The following SCAPER variants were observed in gnomAD, a reference collection of about 807,000 sequenced individuals.
SCAPER encodes S-phase cyclin A associated protein in the ER.
SCAPER carries 98 observed loss-of-function variants against 182.2 expected under a neutral mutation model. The ratio of observed to expected loss-of-function variants is 0.54; its 90% CI spans 0.46 to 0.64. The LOEUF (loss-of-function observed/expected upper bound fraction) is 0.64, where lower values mean the gene tolerates loss of function less well. Among genes scored for constraint, SCAPER ranks in the 30% least tolerant of loss-of-function variants. The pLI is 0.00. For missense variants in SCAPER, 1,432 were observed against 1,690.0 expected, an observed-to-expected ratio of 0.85 and a Z score of 2.68; for synonymous variants, 605 against 564.6, an observed-to-expected ratio of 1.07 and a Z score of -1.01.
chr15:76,552,635 G>C (rs2045874395), intron 23 of SCAPER, among the ~76,000 whole-genome samples: 5 of 152,126 alleles, frequency 3.3e-5, no homozygotes, highest in Admixed American at 3.3e-4. Context: ...GAGTTGGCAG[G>C]GACAGCTGCA....
At chr15:76,871,032 T>C (rs974506126) in intron 2 of SCAPER, among the ~76,000 whole-genome samples, 4 of 152,006 alleles carry the variant, frequency 2.6e-5, no homozygotes, top group African/African-American at 4.8e-5. Flanking sequence ...CTATAAGAAA[T>C]AATAAATGCA....
chr15:76,482,306 T>C (rs1299511391), intron 24 of SCAPER, among the ~76,000 whole-genome samples: 1 of 152,204 alleles, frequency 6.6e-6, no homozygotes, highest in African/African-American at 2.4e-5. Flanking sequence ...GTTACCAACA[T>C]AATGGGTTCC....
At chr15:76,513,516 A>G (rs1471345337) in intron 23 of SCAPER, among the ~76,000 whole-genome samples, 2 of 152,212 alleles carry the variant, frequency 1.3e-5, no homozygotes, top group Non-Finnish European at 1.5e-5. Flanking sequence ...TAAATACCTT[A>G]TATGCAAATC....
At chr15:76,396,935 C>T (rs1458695223) in intron 27 of SCAPER, among the ~76,000 whole-genome samples, 1 of 150,976 alleles carries the variant, frequency 6.6e-6, no homozygotes, top group East Asian at 1.9e-4. Context: ...CAGTATGATA[C>T]TAGCTGTGGG....
chr15:76,784,570 A>G (rs2064430643), intron 8 of SCAPER, among the ~76,000 whole-genome samples: 1 of 152,230 alleles, frequency 6.6e-6, no homozygotes, highest in South Asian at 2.1e-4. Context: ...AAGAGCCCGC[A>G]TTGTCAAGAC....
chr15:76,490,673 T>C (rs890116189), intron 24 of SCAPER, among the ~76,000 whole-genome samples: 1 of 152,186 alleles, frequency 6.6e-6, no homozygotes, highest in Admixed American at 6.5e-5. Flanking sequence ...TTTGCTTTTG[T>C]GGTCTGTGTT....
At chr15:76,770,470 T>G (rs1288736703) in intron 10 of SCAPER, among the ~76,000 whole-genome samples, 1 of 152,158 alleles carries the variant, frequency 6.6e-6, no homozygotes, top group Non-Finnish European at 1.5e-5. Flanking sequence ...ACCCTTGGTT[T>G]GTCAAAACAA....
At chr15:76,503,331 T>C (rs2041306303) in intron 24 of SCAPER, among the ~76,000 whole-genome samples, 1 of 152,182 alleles carries the variant, frequency 6.6e-6, no homozygotes, top group Admixed American at 6.5e-5. Flanking sequence ...TTCTGGGTTA[T>C]AAAAACCACT....
intron 21 of SCAPER, among the ~76,000 whole-genome samples, chr15:76,658,571 C>T (rs957053980): frequency 6.6e-6 from 1 of 152,068 alleles, no homozygotes; most frequent in African/African-American, 2.4e-5. Context: ...TTTAAAAACT[C>T]ATACGGAACC....
At chr15:76,537,056 T>C (rs1023695047) in intron 23 of SCAPER, among the ~76,000 whole-genome samples, 1 of 151,996 alleles carries the variant, frequency 6.6e-6, no homozygotes, top group African/African-American at 2.4e-5. Context: ...CATTGCTCAA[T>C]GAAATAAAAG....
At chr15:76,744,623 T>TA (rs1323642916) in intron 15 of SCAPER, among the ~76,000 whole-genome samples, 1 of 151,910 alleles carries the variant, frequency 6.6e-6, no homozygotes, top group Non-Finnish European at 1.5e-5. Flanking sequence ...ATTAAAAAGT[T>TA]AAAAAACAAG....
rs146591018 is a variant in SCAPER, at chr15:76,803,992, T to A, written c.494+541A>T. Reference sequence around the variant, plus strand: ...GAGCTTTGATCTCGTATTATTCCCCTAATCAAAAATCATCAATTTTCCTCA... The same window carrying A: ...GAGCTTTGATCTCGTATTATTCCCCAAATCAAAAATCATCAATTTTCCTCA... On this transcript the variant is annotated intron_variant, in intron 6 of 31. Coordinates refer to ENST00000563290, the MANE Select transcript of SCAPER (RefSeq NM_020843.4). Among the ~76,000 whole-genome samples the A allele has an allele frequency of 2.2e-4, 33 of 152,340 alleles. No individual in the cohort carries two copies. The East Asian group carries it at 5.8e-3, about 27-fold the overall frequency.
intron 5 of SCAPER, among the ~76,000 whole-genome samples, chr15:76,826,260 T>C (rs1418386885): frequency 6.6e-6 from 1 of 151,680 alleles, no homozygotes; most frequent in Admixed American, 6.6e-5. Flanking sequence ...ATGTCCTTTG[T>C]AGGGACATGG....
At chr15:76,646,109 A>C (rs2054524007) in intron 21 of SCAPER, among the ~76,000 whole-genome samples, 1 of 152,116 alleles carries the variant, frequency 6.6e-6, no homozygotes, top group African/African-American at 2.4e-5. Context: ...ATATCCACGA[A>C]GGATTGGTTC....
At chr15:76,632,849 T>C (rs111438276) in intron 21 of SCAPER, among the ~76,000 whole-genome samples, 7,508 of 145,570 alleles carry the variant, frequency 0.052, 574 homozygotes, top group African/African-American at 0.17. Flanking sequence ...CTCAGCTCAC[T>C]GCAGCCTCCA....
intron 29 of SCAPER, among the ~76,000 whole-genome samples, chr15:76,356,112 C>T (rs1264132791): frequency 7.2e-5 from 11 of 152,184 alleles, no homozygotes; most frequent in Admixed American, 7.2e-4. Context: ...TCTATGCTGT[C>T]TTTCCAACCA....
intron 21 of SCAPER, among the ~76,000 whole-genome samples, chr15:76,642,596 T>C (rs1321314891): frequency 2.0e-5 from 3 of 152,214 alleles, no homozygotes; most frequent in African/African-American, 7.2e-5. Context: ...TTCACCATGT[T>C]CTCAACCTTC....
intron 5 of SCAPER, among the ~76,000 whole-genome samples, chr15:76,829,044 T>C (rs1598962956): frequency 6.6e-6 from 1 of 152,178 alleles, no homozygotes; most frequent in East Asian, 1.9e-4. Flanking sequence ...TTTCAAAAAT[T>C]TGAAACCAAC....
chr15:76,589,054 A>C (rs2048907006), intron 22 of SCAPER, among the ~76,000 whole-genome samples: 1 of 152,088 alleles, frequency 6.6e-6, no homozygotes, highest in Admixed American at 6.5e-5. Flanking sequence ...CCAGGCTGGT[A>C]CTGGGGGGTA....
Sources: allele counts gnomAD v4.1 joint callset (sites outside exome capture counted in the v4.1 genomes callset), GRCh38; gene constraint gnomAD v4.1.1; transcripts MANE v1.5; gene names NCBI Gene and HGNC (gene_info 2026-07-23, HGNC 2026-07-21).